The following BDKRB2 variants were observed in gnomAD, a reference collection of about 807,000 sequenced individuals.
BDKRB2 encodes B2 bradykinin receptor.
A neutral mutation model predicts 4.0 loss-of-function variants in BDKRB2; 6 were observed. The observed-to-expected ratio is 1.49, with a 90% CI of 0.81 to 2.93. The LOEUF (loss-of-function observed/expected upper bound fraction) is 2.93. Among genes scored for constraint, BDKRB2 ranks in the 30% most tolerant of loss-of-function variants. The pLI, the probability that BDKRB2 is intolerant of heterozygous loss-of-function variation, is 0.00. For synonymous variants in BDKRB2, 225 were observed against 215.3 expected (o/e 1.05, Z -0.40); for missense variants, 478 against 520.1 (o/e 0.92, Z 0.79).
chr14:96,231,893 G>A (rs182694238), intron 1 of BDKRB2, among the ~76,000 whole-genome samples: 1 of 152,330 alleles, frequency 6.6e-6, no homozygotes, highest in Admixed American at 6.5e-5. Context: ...GAGGAGATAG[G>A]AGATGCAGAG....
intron 1 of BDKRB2, among the ~76,000 whole-genome samples, chr14:96,216,600 G>A (rs992598076): frequency 2.6e-5 from 4 of 151,486 alleles, no homozygotes; most frequent in African/African-American, 7.3e-5. Context: ...TCCAGCCTGG[G>A]CAACAGAGCA....
chr14:96,205,460 G>T (rs943143447), intron 1 of BDKRB2, among the ~76,000 whole-genome samples: 2 of 151,126 alleles, frequency 1.3e-5, no homozygotes, highest in Admixed American at 6.6e-5. Context: ...CTCCCTGGGG[G>T]TGGCAGGGTT....
At chr14:96,223,175 T>C (rs1890614286) in intron 1 of BDKRB2, 1 of 1,165,580 alleles carries the variant, frequency 8.6e-7, no homozygotes, top group Non-Finnish European at 1.3e-6. Flanking sequence ...CGACATGTCA[T>C]GCTGCCCAAG....
intron 1 of BDKRB2, among the ~76,000 whole-genome samples, chr14:96,206,721 C>T (rs973380171): frequency 2.0e-5 from 3 of 152,202 alleles, no homozygotes; most frequent in Admixed American, 2.0e-4. Context: ...CTCACCTGTG[C>T]TGCTTGTGGT....
At chr14:96,238,518 G>T in intron 2 of BDKRB2, 1 of 985,634 alleles carries the variant, frequency 1.0e-6, no homozygotes, top group South Asian at 4.7e-5. Context: ...CATCACTGTA[G>T]TTCCTTAAGA....
intron 1 of BDKRB2, among the ~76,000 whole-genome samples, chr14:96,227,061 G>A (rs1189238788): frequency 6.6e-6 from 1 of 152,176 alleles, no homozygotes; most frequent in East Asian, 1.9e-4. Context: ...CTCCAGGCTG[G>A]CATTGCCTTG....
At chr14:96,236,928 C>T in intron 1 of BDKRB2, 141 bp from the exon 2 acceptor site, 1 of 625,844 alleles carries the variant, frequency 1.6e-6, no homozygotes, top group South Asian at 1.9e-5. Flanking sequence ...GTATCCCTAG[C>T]ACCGCTGTGT....
At chr14:96,233,736 G>A (rs1890872318) in intron 1 of BDKRB2, 1 of 152,114 alleles carries the variant, frequency 6.6e-6, no homozygotes. Flanking sequence ...GTGGATTCCT[G>A]GGAAACCAAA....
chr14:96,216,240 G>T (rs574575181), intron 1 of BDKRB2, among the ~76,000 whole-genome samples: 50 of 152,280 alleles, frequency 3.3e-4, no homozygotes, highest in African/African-American at 1.2e-3. Context: ...GGGCCAGGTT[G>T]CAAGACCCCT....
chr14:96,206,578 C>A (rs1890184356), intron 1 of BDKRB2, among the ~76,000 whole-genome samples: 1 of 151,692 alleles, frequency 6.6e-6, no homozygotes, highest in Non-Finnish European at 1.5e-5. Flanking sequence ...TCGGTTCTTG[C>A]CATTAGAAGT....
intron 1 of BDKRB2, among the ~76,000 whole-genome samples, chr14:96,208,943 G>A (rs548813123): frequency 1.6e-4 from 24 of 152,302 alleles, no homozygotes; most frequent in Non-Finnish European, 5.9e-5. Flanking sequence ...GGACGCCCGT[G>A]GGGTGTTGTG....
chr14:96,240,118 G>C, intron 2 of BDKRB2: 2 of 1,153,160 alleles, frequency 1.7e-6, no homozygotes, highest in Non-Finnish European at 2.1e-6. Flanking sequence ...TCCAACACTT[G>C]AGATTGTTAG....
chr14:96,235,794 C>T (rs1359592398), intron 1 of BDKRB2, among the ~76,000 whole-genome samples: 1 of 150,516 alleles, frequency 6.6e-6, no homozygotes, highest in African/African-American at 2.4e-5. Flanking sequence ...TGCACACACA[C>T]ACACCCACAT....
chr14:96,221,569 T>C (rs985558841), intron 1 of BDKRB2, among the ~76,000 whole-genome samples: 5 of 151,678 alleles, frequency 3.3e-5, no homozygotes, highest in Non-Finnish European at 5.9e-5. Flanking sequence ...GAGGACAGAG[T>C]TCTGAGTTTA....
intron 1 of BDKRB2, among the ~76,000 whole-genome samples, chr14:96,221,260 T>C (rs1389235388): frequency 2.0e-5 from 3 of 152,180 alleles, no homozygotes. Flanking sequence ...CTATTATTAT[T>C]CCCTGGTTGC....
chr14:96,223,073 C>T (rs1456845261), intron 1 of BDKRB2: 6 of 913,838 alleles, frequency 6.6e-6, no homozygotes, highest in South Asian at 1.4e-5. Context: ...TGGAGGTTGG[C>T]GGCACAGGGC....
At chr14:96,212,409 A>G (rs1398304132) in intron 1 of BDKRB2, among the ~76,000 whole-genome samples, 1 of 152,198 alleles carries the variant, frequency 6.6e-6, no homozygotes, top group Admixed American at 6.5e-5. Context: ...TGCAAAAAAA[A>G]ACTGTTCAAT....
chr14:96,227,074 G>A (rs1890713592), intron 1 of BDKRB2, among the ~76,000 whole-genome samples: 1 of 152,176 alleles, frequency 6.6e-6, no homozygotes, highest in Admixed American at 6.5e-5. Context: ...TTGCCTTGCC[G>A]TGTGGCTGTA....
intron 2 of BDKRB2, chr14:96,238,020 A>C (rs1314615723): frequency 8.6e-7 from 1 of 1,167,094 alleles, no homozygotes; most frequent in Admixed American, 3.8e-5. Context: ...GGGTTGGACC[A>C]AGGGGACTAC....
Sources: allele counts gnomAD v4.1 joint callset (sites outside exome capture counted in the v4.1 genomes callset), GRCh38; gene constraint gnomAD v4.1.1; transcripts MANE v1.5; gene names NCBI Gene and HGNC (gene_info 2026-07-23, HGNC 2026-07-21).